The following SLC4A7 variants were observed in gnomAD, a reference collection of about 807,000 sequenced individuals.
SLC4A7 encodes sodium bicarbonate cotransporter 3.
SLC4A7 carries 51 observed loss-of-function variants against 137.6 expected under a neutral mutation model. The ratio of observed to expected loss-of-function variants is 0.37; its 90% CI spans 0.30 to 0.47. The LOEUF is 0.47. Among genes scored for constraint, SLC4A7 ranks in the 20% least tolerant of loss-of-function variants. The pLI, the probability that SLC4A7 is intolerant of heterozygous loss-of-function variation, is 1.00. For synonymous variants in SLC4A7, 542 were observed against 518.6 expected (o/e 1.05, Z -0.61); for missense variants, 1,247 against 1,525.4 (o/e 0.82, Z 3.04).
chr3:27,467,648 TC>T (rs1420853823), intron 1 of SLC4A7, among the ~76,000 whole-genome samples: 6 of 152,198 alleles, frequency 3.9e-5, no homozygotes, highest in Non-Finnish European at 8.8e-5. Flanking sequence ...GCCAGTCCAC[TC>T]CTTTCACACT....
intron 11 of SLC4A7, among the ~76,000 whole-genome samples, chr3:27,415,786 G>A (rs937601660): frequency 7.2e-5 from 11 of 152,160 alleles, no homozygotes; most frequent in African/African-American, 2.7e-4. Flanking sequence ...CTATAGGTAT[G>A]TCTTTCTTAT....
Position 27,452,493 on chromosome 3 carries a change from A to G in SLC4A7, c.66T>C (p.Pro22=). The change falls in exon 2 of 26, where the codon CCT becomes CCC. Residue 22 remains proline, a synonymous_variant. Coordinates refer to ENST00000454389, the MANE Select transcript of SLC4A7 (RefSeq NM_001321103.2). ...CAAGATCCACAACAGCTTCTTCATC[A>G]GGACCCTAAAAACAAATTATTCTCA... ...PLLTRVTSRG[P]DEEAVVDLGK... is the part of the protein sequence containing the mutation. 2 of 1,601,858 alleles carry G rather than the reference A, an allele frequency of 1.2e-6. No homozygotes were observed. The highest frequency in any genetic ancestry group is 1.7e-6 in the Non-Finnish European group (2 of 1,176,774).
intron 2 of SLC4A7, among the ~76,000 whole-genome samples, chr3:27,451,596 T>C (rs1231542760): frequency 6.6e-6 from 1 of 151,982 alleles, no homozygotes; most frequent in African/African-American, 2.4e-5. Context: ...AAAAAAAGAA[T>C]GAGAAACTGG....
At chr3:27,471,041 C>T (rs764268207) in intron 1 of SLC4A7, among the ~76,000 whole-genome samples, 8 of 152,186 alleles carry the variant, frequency 5.3e-5, no homozygotes, top group Non-Finnish European at 1.2e-4. Context: ...TTCACTTGAT[C>T]TTAGCCAAAT....
chr3:27,398,434 A>G, intron 16 of SLC4A7, 81 bp from the exon 17 acceptor site: 1 of 1,229,556 alleles, frequency 8.1e-7, no homozygotes, highest in Non-Finnish European at 1.1e-6. Flanking sequence ...TTGACTCGTA[A>G]GATGCAACTG....
chr3:27,478,872 G>A (rs1169660519), intron 1 of SLC4A7, among the ~76,000 whole-genome samples: 1 of 151,398 alleles, frequency 6.6e-6, no homozygotes, highest in Non-Finnish European at 1.5e-5. Context: ...GGGCGTGGTG[G>A]CACACCCCTG....
intron 13 of SLC4A7, among the ~76,000 whole-genome samples, chr3:27,407,181 C>A (rs1188618115): frequency 6.6e-6 from 1 of 150,394 alleles, no homozygotes; most frequent in Non-Finnish European, 1.5e-5. Flanking sequence ...TGTCTTTTCC[C>A]CTAAAGAAAT....
At chr3:27,413,569 T>G (rs2054107770) in intron 11 of SLC4A7, among the ~76,000 whole-genome samples, 1 of 152,202 alleles carries the variant, frequency 6.6e-6, no homozygotes, top group African/African-American at 2.4e-5. Context: ...TTCAAAAATC[T>G]ATTCATATGA....
chr3:27,462,440 G>A (rs1057472547), intron 1 of SLC4A7: 1 of 152,134 alleles, frequency 6.6e-6, no homozygotes, highest in Admixed American at 6.6e-5. Context: ...ATTGATGTTT[G>A]GTGTCACTGA....
At chr3:27,459,986 TATATAC>T (rs146236076) in intron 1 of SLC4A7, among the ~76,000 whole-genome samples, 39,248 of 131,092 alleles carry the variant, frequency 0.3, 6,620 homozygotes, top group East Asian at 0.74. Context: ...TATATATATA[TATATAC>T]ACACACACAC....
intron 6 of SLC4A7, among the ~76,000 whole-genome samples, chr3:27,432,405 T>G (rs533760290): frequency 1.6e-4 from 24 of 152,324 alleles, no homozygotes; most frequent in Middle Eastern, 3.4e-3. Flanking sequence ...AATTTTTTAT[T>G]TCACTAGCTA....
rs1242657453 is a variant in SLC4A7 at position 27,472,809 on chromosome 3, G to A, written c.60+11258C>T. 2.0e-5 allele frequency among the ~76,000 whole-genome samples: 3 copies of A among 152,354 alleles called. No homozygotes were observed. In the East Asian group the frequency reaches 5.8e-4, roughly 29 times the overall value. ...AACGAATTGCATCAGGCTGGGCACA[G>A]TGGCTCATGCCTATAATCCCAGCAC... On this transcript the variant is annotated intron_variant, in intron 1 of 25. Coordinates refer to ENST00000454389, the MANE Select transcript of SLC4A7 (RefSeq NM_001321103.2).
At chr3:27,398,664 G>A (rs934591878) in intron 16 of SLC4A7, among the ~76,000 whole-genome samples, 1 of 152,126 alleles carries the variant, frequency 6.6e-6, no homozygotes, top group Non-Finnish European at 1.5e-5. Flanking sequence ...AAGCCTTGTA[G>A]TGAGTATTAT....
At chr3:27,377,769 T>A (rs576325077) in intron 25 of SLC4A7, among the ~76,000 whole-genome samples, 1 of 152,334 alleles carries the variant, frequency 6.6e-6, no homozygotes, top group East Asian at 1.9e-4. Context: ...TTGTAACATA[T>A]GAATATCTGG....
chr3:27,416,899 A>T (rs1368952488), intron 11 of SLC4A7, among the ~76,000 whole-genome samples: 2 of 152,246 alleles, frequency 1.3e-5, no homozygotes, highest in Non-Finnish European at 2.9e-5. Flanking sequence ...TGAAGACGTC[A>T]GTTCTCCCTC....
chr3:27,431,227 C>T (rs895027617), intron 7 of SLC4A7, 71 bp downstream of exon 7: 7 of 1,480,148 alleles, frequency 4.7e-6, no homozygotes, highest in East Asian at 2.3e-5. Context: ...AAGCTATGTG[C>T]TAAAAGGCAT....
chr3:27,386,483 T>G (rs2050966461), intron 22 of SLC4A7, among the ~76,000 whole-genome samples: 1 of 152,154 alleles, frequency 6.6e-6, no homozygotes, highest in Non-Finnish European at 1.5e-5. Context: ...CTTTAACTGC[T>G]GCTGAAGATG....
intron 1 of SLC4A7, among the ~76,000 whole-genome samples, chr3:27,480,133 T>C (rs1247968331): frequency 2.0e-5 from 3 of 152,250 alleles, no homozygotes; most frequent in Non-Finnish European, 4.4e-5. Context: ...AAGAGTCTAA[T>C]GTAACAAAAT....
At position 27,400,805 on chromosome 3, in the gene SLC4A7, T is replaced by A. The variant is rs762063371; in HGVS notation, c.2386A>T (p.Ile796Leu). ...CTCCAGGAAATATTGTGTGCTGTTA[T>A]ATTATCTTTCTTCCATTGTGCTAGA... The part of the protein sequence containing the change: ...ETLAQWKKDN[I>L]TAHNISWRNL... Residue 796 changes from isoleucine (I) to leucine (L), a missense_variant, in exon 16 of 26, where the codon ATA becomes TTA. Physicochemically the swap from Ile to Leu is conservative, Grantham distance 5. Transcript: ENST00000454389. 1.3e-5 allele frequency: 21 copies of A among 1,608,198 alleles called. No individual in the cohort carries two copies. The highest frequency in any genetic ancestry group is 1.7e-5 in the Non-Finnish European group (20 of 1,174,786).
Sources: allele counts gnomAD v4.1 joint callset (sites outside exome capture counted in the v4.1 genomes callset), GRCh38; gene constraint gnomAD v4.1.1; transcripts MANE v1.5; gene names NCBI Gene and HGNC (gene_info 2026-07-23, HGNC 2026-07-21).